Variants in CNTN3 observed in about 807,000 individuals in gnomAD.
CNTN3 encodes contactin 3, also known as contactin-3.
In CNTN3, 60 loss-of-function variants were observed where a neutral mutation model predicts 119.1. The ratio of observed to expected loss-of-function variants is 0.50; its 90% CI spans 0.41 to 0.62. CNTN3 has a LOEUF of 0.62. Ranked by LOEUF, CNTN3 falls within the 20% of genes least tolerant of loss-of-function variation. The probability of loss-of-function intolerance (pLI) is 0.00; values close to 1 mark genes in which losing one functional copy is unlikely to be tolerated. For synonymous variants in CNTN3, 450 were observed against 438.7 expected, an observed-to-expected ratio of 1.03 and a Z score of -0.32; for missense variants, 1,101 against 1,242.4, an observed-to-expected ratio of 0.89 and a Z score of 1.71.
chr3:74,438,208 G>A (rs1409267563), intron 4 of CNTN3, among the ~76,000 whole-genome samples: 2 of 152,100 alleles, frequency 1.3e-5, no homozygotes, highest in African/African-American at 4.8e-5. Flanking sequence ...AGATTAAAAT[G>A]TCTCAGTGGT....
intron 4 of CNTN3, among the ~76,000 whole-genome samples, chr3:74,437,057 A>G (rs1380046955): frequency 2.6e-5 from 4 of 152,244 alleles, no homozygotes; most frequent in African/African-American, 2.4e-5. Context: ...AATTTTTCAT[A>G]TAACAGAGTA....
intron 6 of CNTN3, 113 bp from the exon 7 acceptor site, chr3:74,370,104 T>A: frequency 1.7e-6 from 1 of 579,242 alleles, no homozygotes; most frequent in South Asian, 2.5e-5. Flanking sequence ...TTCTAGTGAT[T>A]TCAATTAAAT....
intron 18 of CNTN3, among the ~76,000 whole-genome samples, chr3:74,296,135 G>C (rs1191221861): frequency 2.0e-5 from 3 of 152,120 alleles, no homozygotes; most frequent in Non-Finnish European, 4.4e-5. Flanking sequence ...GATTCACAGA[G>C]ACACCCTAGT....
chr3:74,479,805 TGGC>T, intron 4 of CNTN3, among the ~76,000 whole-genome samples: 1 of 152,150 alleles, frequency 6.6e-6, no homozygotes, highest in Middle Eastern at 3.4e-3. Context: ...AGCACTCTGA[TGGC>T]TCTAGGATAT....
chr3:74,609,882 A>G (rs1354051698), intron 1 of CNTN3, among the ~76,000 whole-genome samples: 3 of 152,194 alleles, frequency 2.0e-5, no homozygotes, highest in Middle Eastern at 3.2e-3. Flanking sequence ...AAGGAAATGT[A>G]CAGTTCCAAG....
intron 13 of CNTN3, among the ~76,000 whole-genome samples, chr3:74,325,533 CGTGCA>C (rs1703107687): frequency 1.3e-5 from 2 of 152,034 alleles, no homozygotes; most frequent in East Asian, 3.9e-4. Context: ...AGGAAAAACT[CGTGCA>C]GAAAAGAATA....
intron 13 of CNTN3, among the ~76,000 whole-genome samples, chr3:74,317,355 T>G (rs1702859508): frequency 6.6e-6 from 1 of 151,968 alleles, no homozygotes; most frequent in Admixed American, 6.6e-5. Flanking sequence ...TTAATATTGT[T>G]ATGTGTGTAT....
intron 1 of CNTN3, among the ~76,000 whole-genome samples, chr3:74,534,350 T>C (rs1443326244): frequency 1.3e-5 from 2 of 152,070 alleles, no homozygotes; most frequent in Admixed American, 1.3e-4. Flanking sequence ...ATCCCCACTT[T>C]ATTATTTTTT....
At chr3:74,587,320 CA>C (rs1704611274) in intron 1 of CNTN3, among the ~76,000 whole-genome samples, 1 of 152,012 alleles carries the variant, frequency 6.6e-6, no homozygotes, top group Non-Finnish European at 1.5e-5. Flanking sequence ...TGAATATAGT[CA>C]TGTCCATAAG....
At chr3:74,598,787 C>A (rs1704854918) in intron 1 of CNTN3, among the ~76,000 whole-genome samples, 1 of 151,860 alleles carries the variant, frequency 6.6e-6, no homozygotes, top group South Asian at 2.1e-4. Flanking sequence ...AGTTAGTCAT[C>A]AAATATGTAT....
chr3:74,438,986 T>C (rs1465765186), intron 4 of CNTN3, among the ~76,000 whole-genome samples: 1 of 152,146 alleles, frequency 6.6e-6, no homozygotes, highest in Non-Finnish European at 1.5e-5. Context: ...ACAACTTAGT[T>C]CCAGAGTAAT....
chr3:74,441,863 G>C (rs1368932654), intron 4 of CNTN3, among the ~76,000 whole-genome samples: 1 of 152,036 alleles, frequency 6.6e-6, no homozygotes, highest in East Asian at 1.9e-4. Flanking sequence ...TAGCTAACAT[G>C]ACAAATTAGG....
At chr3:74,505,908 T>C (rs972973061) in intron 2 of CNTN3, among the ~76,000 whole-genome samples, 6 of 152,124 alleles carry the variant, frequency 3.9e-5, no homozygotes. Flanking sequence ...AAATTAATAG[T>C]TCACTACATG....
In CNTN3 at chr3:74,603,583, C is replaced by G. The variant is rs1032531880; in HGVS notation, c.-81+10808G>C. On this transcript the variant is annotated intron_variant, in intron 1 of 22. Transcript: ENST00000263665. ...GCAAAAGCCGACTGTTACATTTATACAACAACAAAAAAGATATCTCACATT... is the reference window on the plus strand; with the variant it reads ...GCAAAAGCCGACTGTTACATTTATAGAACAACAAAAAAGATATCTCACATT... 2.6e-5 allele frequency among the ~76,000 whole-genome samples: 4 copies of G among 151,982 alleles called. No individual in the cohort carries two copies. In the South Asian group the frequency reaches 8.3e-4, roughly 31 times the overall value.
intron 4 of CNTN3, among the ~76,000 whole-genome samples, chr3:74,460,936 A>C (rs1003275468): frequency 6.6e-6 from 1 of 150,782 alleles, no homozygotes; most frequent in Non-Finnish European, 1.5e-5. Flanking sequence ...TTATTAGGAA[A>C]CCATTCAGTT....
rs1167052114 is a variant in CNTN3, at chr3:74,293,025, T to TCTTA, written c.2517+2095_2517+2096insTAAG. Reference sequence around the variant, plus strand: ...TGTGGTGTTTTACTTCTTCATACTCTCTCTTCCTTAAGTCCAGACTATTCT... The same window carrying TCTTA: ...TGTGGTGTTTTACTTCTTCATACTCTCTTACTCTTCCTTAAGTCCAGACTATTCT... On this transcript the variant is annotated intron_variant, in intron 19 of 22. Coordinates refer to ENST00000263665, the MANE Select transcript of CNTN3 (RefSeq NM_020872.3). 3.8e-4 allele frequency among the ~76,000 whole-genome samples: 18 copies of TCTTA among 47,876 alleles called. No individual in the cohort carries two copies. The East Asian group carries it at 0.017, about 45-fold the overall frequency. 31.4% of individuals were successfully genotyped at this position (47,876 alleles called of 152,430 possible).
intron 1 of CNTN3, among the ~76,000 whole-genome samples, chr3:74,605,586 A>G (rs972082764): frequency 2.0e-5 from 3 of 152,160 alleles, no homozygotes; most frequent in African/African-American, 7.2e-5. Flanking sequence ...TTCGAGTAAC[A>G]TAAGTCATCT....
intron 4 of CNTN3, among the ~76,000 whole-genome samples, chr3:74,451,594 CTA>C (rs1183170610): frequency 2.0e-5 from 3 of 152,182 alleles, no homozygotes; most frequent in Admixed American, 6.5e-5. Context: ...TTGCCCGTGC[CTA>C]TGTCCTGAAT....
At chr3:74,440,338 CTA>C (rs923063612) in intron 4 of CNTN3, among the ~76,000 whole-genome samples, 1 of 152,108 alleles carries the variant, frequency 6.6e-6, no homozygotes, top group African/African-American at 2.4e-5. Context: ...TCTTATACCC[CTA>C]TATTAATCTT....
Sources: allele counts gnomAD v4.1 joint callset (sites outside exome capture counted in the v4.1 genomes callset), GRCh38; gene constraint gnomAD v4.1.1; transcripts MANE v1.5; gene names NCBI Gene and HGNC (gene_info 2026-07-23, HGNC 2026-07-21).